WDR75: variants seen among roughly 807,000 people sequenced by gnomAD.
The protein encoded by WDR75 is WD repeat-containing protein 75.
A neutral mutation model predicts 106.1 loss-of-function variants in WDR75; 52 were observed. The observed-to-expected ratio is 0.49, with a 90% CI of 0.39 to 0.62. The LOEUF (loss-of-function observed/expected upper bound fraction) is 0.62, where lower values mean the gene tolerates loss of function less well. WDR75 is among the 20% of genes least tolerant of loss of function. WDR75 has a pLI of 0.00. For synonymous variants in WDR75, 333 were observed against 335.5 expected, an observed-to-expected ratio of 0.99 and a Z score of 0.08; for missense variants, 905 against 970.3, an observed-to-expected ratio of 0.93 and a Z score of 0.89.
Position 189,463,952 on chromosome 2 carries a change from G to A in WDR75, c.1104G>A (p.Gln368=). The A allele has an allele frequency of 1.2e-6, 2 of 1,612,538 alleles. No individual in the cohort carries two copies. Among genetic ancestry groups the A allele is most frequent in the Non-Finnish European group, 1.7e-6 (2 of 1,179,216 alleles). ...TTTATTCTCTCCAGAGTGATAAACA[G>A]TTATACAATGTAAGATTTTGATCAT... The part of the protein sequence containing the change: ...LQFYSLQSDK[Q]LYNLDIIQQE... Residue 368 remains glutamine (Q), a synonymous_variant, in exon 11 of 21, where the codon CAG becomes CAA. Transcript: ENST00000314761.
intron 1 of WDR75, among the ~76,000 whole-genome samples, chr2:189,444,083 T>G (rs1686443621): frequency 6.7e-6 from 1 of 149,674 alleles, no homozygotes; most frequent in African/African-American, 2.4e-5. Context: ...GAGAACTTGG[T>G]CAAGATTTAG....
At chr2:189,459,111 G>A (rs1220843803) in intron 7 of WDR75, among the ~76,000 whole-genome samples, 1 of 152,146 alleles carries the variant, frequency 6.6e-6, no homozygotes, top group Non-Finnish European at 1.5e-5. Flanking sequence ...CTCCAAAAAG[G>A]AAAGACTGAC....
chr2:189,470,796 C>A, intron 17 of WDR75, 23 bp from the exon 18 acceptor site: 1 of 1,564,162 alleles, frequency 6.4e-7, no homozygotes, highest in Non-Finnish European at 8.7e-7. Context: ...TTGTCTTTTG[C>A]ATCATTAATT....
intron 5 of WDR75, among the ~76,000 whole-genome samples, chr2:189,456,654 A>G (rs1686743029): frequency 6.6e-6 from 1 of 152,112 alleles, no homozygotes; most frequent in African/African-American, 2.4e-5. Flanking sequence ...AGGAGGGGGC[A>G]TTTCTGAGGA....
intron 11 of WDR75, 74 bp from the exon 12 acceptor site, chr2:189,465,005 T>G: frequency 1.7e-6 from 2 of 1,144,358 alleles, no homozygotes; most frequent in Non-Finnish European, 2.5e-6. Context: ...TTAATTATCA[T>G]TTCTTGAATG....
intron 12 of WDR75, 99 bp from the exon 13 acceptor site, chr2:189,466,326 G>T (rs1215510785): frequency 1.3e-5 from 17 of 1,335,186 alleles, no homozygotes; most frequent in Non-Finnish European, 1.8e-5. Flanking sequence ...GTTGCCTGTT[G>T]TTCAAGATGC....
chr2:189,454,286 C>G (rs1271897098), intron 4 of WDR75, among the ~76,000 whole-genome samples: 2 of 151,958 alleles, frequency 1.3e-5, no homozygotes, highest in Non-Finnish European at 2.9e-5. Context: ...AAAAGAATAC[C>G]CTTAAGGAGA....
At chr2:189,454,040 C>T (rs1224575638) in intron 4 of WDR75, among the ~76,000 whole-genome samples, 2 of 152,096 alleles carry the variant, frequency 1.3e-5, no homozygotes, top group African/African-American at 4.8e-5. Context: ...ACTTCTAAGT[C>T]CCAGTAGTAA....
At chr2:189,461,772 C>T (rs6740926) in intron 8 of WDR75, among the ~76,000 whole-genome samples, 9,881 of 152,128 alleles carry the variant, frequency 0.065, 498 homozygotes, top group African/African-American at 0.14. Context: ...ATCCAGTTAA[C>T]GTTGAATCAA....
At position 189,465,123 on chromosome 2, in the gene WDR75, C is replaced by T. The variant is rs775109734; in HGVS notation, c.1158C>T (p.Ile386=). 1 of 1,610,806 alleles carries T rather than the reference C, an allele frequency of 6.2e-7. No individual in the cohort carries two copies. The highest frequency in any genetic ancestry group is 1.1e-5 in the South Asian group (1 of 90,624). Residue 386 remains isoleucine, a synonymous_variant, in exon 12 of 21, where the codon ATC becomes ATT. Transcript: ENST00000314761. ...AATATATTAATGATTATGGTCTGAT[C>T]CAAATTGAACTAACAAAGGCTGCAT... is the stretch of plus-strand genomic sequence containing the variant. The part of the protein sequence containing the change: ...QQEYINDYGL[I]QIELTKAAFG...
intron 8 of WDR75, among the ~76,000 whole-genome samples, chr2:189,460,580 C>T (rs1393433057): frequency 6.6e-6 from 1 of 151,092 alleles, no homozygotes; most frequent in Non-Finnish European, 1.5e-5. Context: ...TCTTGGCTCA[C>T]TGCAACCTCG....
At chr2:189,473,171 C>T (rs1013437518) in intron 18 of WDR75, among the ~76,000 whole-genome samples, 1 of 151,670 alleles carries the variant, frequency 6.6e-6, no homozygotes, top group Non-Finnish European at 1.5e-5. Flanking sequence ...GAGCCTAGGT[C>T]ACACCACTGC....
chr2:189,448,627 GT>G, intron 2 of WDR75, 119 bp downstream of exon 2: 1 of 1,344,896 alleles, frequency 7.4e-7, no homozygotes, highest in Non-Finnish European at 1.0e-6. Flanking sequence ...CTTATTTTCA[GT>G]TGTAGGGTAT....
intron 18 of WDR75, 28 bp downstream of exon 18, chr2:189,470,906 G>A (rs759875863): frequency 1.3e-6 from 2 of 1,545,590 alleles, no homozygotes; most frequent in African/African-American, 1.4e-5. Flanking sequence ...ATAGCAGGAT[G>A]TATTGCCTCC....
chr2:189,469,475 C>A, intron 16 of WDR75, 36 bp downstream of exon 16: 1 of 1,509,362 alleles, frequency 6.6e-7, no homozygotes, highest in Non-Finnish European at 9.2e-7. Flanking sequence ...AAGAGAACAT[C>A]TATGACCTAA....
intron 15 of WDR75, 62 bp from the exon 16 acceptor site, chr2:189,469,282 G>GT: frequency 1.5e-6 from 2 of 1,352,666 alleles, no homozygotes; most frequent in Non-Finnish European, 2.1e-6. Context: ...AATAAGAGAA[G>GT]TTTTTTAAAG....
chr2:189,463,561 A>G, intron 9 of WDR75, 133 bp from the exon 10 acceptor site: 2 of 724,466 alleles, frequency 2.8e-6, no homozygotes, highest in Middle Eastern at 4.0e-4. Flanking sequence ...AGCTAAAAAT[A>G]ATAATAATAA....
intron 1 of WDR75, among the ~76,000 whole-genome samples, chr2:189,446,230 CAG>C (rs998164034): frequency 3.5e-4 from 53 of 152,264 alleles, no homozygotes; most frequent in African/African-American, 1.2e-3. Flanking sequence ...TTCCTAAAGT[CAG>C]AGGGAAAACA....
Position 189,467,970 on chromosome 2 carries a change from G to A in WDR75, c.1628+322G>A, listed in dbSNP as rs1044556075. Among the ~76,000 whole-genome samples, 4 of 152,132 alleles carry A rather than the reference G, an allele frequency of 2.6e-5. No individual in the cohort carries two copies. In the South Asian group the frequency reaches 6.2e-4, roughly 24 times the overall value. ...TTTTCTGTGTATTCCCATAAAAACC[G>A]TGTTATGCGCCAACCTCATTGTTTC... On this transcript the variant is annotated intron_variant, in intron 14 of 20. Coordinates refer to ENST00000314761, the MANE Select transcript of WDR75 (RefSeq NM_032168.3).
Sources: allele counts gnomAD v4.1 joint callset (sites outside exome capture counted in the v4.1 genomes callset), GRCh38; gene constraint gnomAD v4.1.1; transcripts MANE v1.5; gene names NCBI Gene and HGNC (gene_info 2026-07-23, HGNC 2026-07-21).